AXDND1: variants seen among roughly 807,000 people sequenced by gnomAD.
AXDND1 encodes axonemal dynein light chain domain containing 1, also known as axonemal dynein light chain domain-containing protein 1.
Under a neutral mutation model 137.5 loss-of-function variants are expected in AXDND1, and 110 were observed. The observed-to-expected ratio is 0.80, with a 90% confidence interval of 0.69 to 0.94. The LOEUF (loss-of-function observed/expected upper bound fraction) is 0.94, where lower values mean the gene tolerates loss of function less well. Among genes scored for constraint, AXDND1 ranks in the 40% least tolerant of loss-of-function variants. The pLI is 0.00. For synonymous variants in AXDND1, 414 were observed against 399.7 expected (o/e 1.04, Z -0.43); for missense variants, 1,191 against 1,169.8 (o/e 1.02, Z -0.26).
intron 15 of AXDND1, 114 bp downstream of exon 15, chr1:179,432,456 C>T (rs1267467336): frequency 7.4e-7 from 1 of 1,352,952 alleles, no homozygotes; most frequent in Non-Finnish European, 9.7e-7. Context: ...CGTTGTCTCA[C>T]TCACTGTCGC....
At position 179,468,449 on chromosome 1, in the gene AXDND1, C is replaced by T. The variant is rs1261930838; in HGVS notation, c.1805C>T (p.Ser602Phe). ...GCTTTTCTTACTTTTCTAGGTTACT[C>T]CAAAATTCTTCCAAGTTTGATTAGT... is the stretch of plus-strand genomic sequence containing the variant. The part of the protein sequence containing the change: ...EIRINGDNGY[S>F]KILPSLISSL... Residue 602 changes from serine (S) to phenylalanine (F), a missense_variant, in exon 17 of 26, where the codon TCC becomes TTC. Physicochemically the swap from Ser to Phe is radical, Grantham distance 155 (BLOSUM62 -2). Transcript: ENST00000367618. The T allele has an allele frequency of 1.2e-6, 2 of 1,604,648 alleles. No homozygotes were observed. The highest frequency in any genetic ancestry group is 2.7e-5 in the African/African-American group (2 of 74,484).
chr1:179,505,440 G>A (rs1306466737), intron 20 of AXDND1, among the ~76,000 whole-genome samples: 6 of 152,110 alleles, frequency 3.9e-5, no homozygotes, highest in Non-Finnish European at 5.9e-5. Flanking sequence ...ATCACCTGAG[G>A]TCGGGAGTTT....
chr1:179,400,881 G>A (rs1359757522), intron 11 of AXDND1, among the ~76,000 whole-genome samples: 1 of 134,424 alleles, frequency 7.4e-6, no homozygotes, highest in Non-Finnish European at 1.6e-5. Context: ...CTCCAGCCTG[G>A]GCAACAGAGC....
intron 24 of AXDND1, 36 bp from the exon 25 acceptor site, chr1:179,534,694 C>A (rs1461395604): frequency 2.0e-6 from 3 of 1,535,788 alleles, no homozygotes; most frequent in South Asian, 1.3e-5. Context: ...CTTTTTCAAC[C>A]CTTTCTATTT....
chr1:179,479,252 G>A (rs1253613945), intron 17 of AXDND1, among the ~76,000 whole-genome samples: 3 of 152,092 alleles, frequency 2.0e-5, no homozygotes, highest in African/African-American at 4.8e-5. Flanking sequence ...CAAGGCGGGT[G>A]GATCACTTGA....
intron 9 of AXDND1, among the ~76,000 whole-genome samples, chr1:179,391,894 C>T (rs1429857897): frequency 6.6e-6 from 1 of 152,090 alleles, no homozygotes; most frequent in Non-Finnish European, 1.5e-5. Flanking sequence ...CATTCTTCTC[C>T]TTCCTGCTGC....
intron 25 of AXDND1, chr1:179,550,957 C>G (rs1489276718): frequency 3.3e-6 from 2 of 603,102 alleles, no homozygotes; most frequent in African/African-American, 3.7e-5. Flanking sequence ...CATAATTGCT[C>G]TGACTAGATG....
intron 25 of AXDND1, chr1:179,544,699 A>T: frequency 6.6e-6 from 1 of 152,042 alleles, no homozygotes; most frequent in East Asian, 1.9e-4. Flanking sequence ...AGAAAAAGAA[A>T]AAAAGAGAGA....
chr1:179,539,289 G>A lies in AXDND1; in HGVS notation c.3031+4327G>A, dbSNP rs544733309. Among the ~76,000 whole-genome samples the A allele has an allele frequency of 2.6e-5, 4 of 152,278 alleles. No individual in the cohort carries two copies. The East Asian group carries it at 7.7e-4, about 29-fold the overall frequency. On this transcript the variant is annotated intron_variant, in intron 25 of 25. Coordinates refer to ENST00000367618, the MANE Select transcript of AXDND1 (RefSeq NM_144696.6). ...GATGCAGTTTCTTCATAGTGTCGAT[G>A]GTCTTTCCAATTTGGCATGTTTTTG...
At chr1:179,394,512 C>G (rs570596011) in intron 10 of AXDND1, among the ~76,000 whole-genome samples, 1 of 151,692 alleles carries the variant, frequency 6.6e-6, no homozygotes, top group South Asian at 2.1e-4. Flanking sequence ...ATCACTTGAA[C>G]CCGGGAGGTG....
intron 20 of AXDND1, 59 bp from the exon 21 acceptor site, chr1:179,509,237 T>C: frequency 9.7e-7 from 1 of 1,032,564 alleles, no homozygotes; most frequent in Non-Finnish European, 1.5e-6. Flanking sequence ...AGTTCCTCAA[T>C]AGCGGTGAGT....
At chr1:179,447,720 T>G in intron 16 of AXDND1, 1 of 1,349,232 alleles carries the variant, frequency 7.4e-7, no homozygotes, top group Non-Finnish European at 1.1e-6. Flanking sequence ...TGACTTTACC[T>G]AAACTATTTG....
intron 15 of AXDND1, among the ~76,000 whole-genome samples, chr1:179,439,857 C>T (rs952795764): frequency 2.8e-5 from 4 of 140,940 alleles, no homozygotes; most frequent in East Asian, 1.9e-4. Context: ...CATGGCCACA[C>T]GCACCTTGAG....
At chr1:179,379,863 A>C (rs1647954381) in intron 6 of AXDND1, among the ~76,000 whole-genome samples, 1 of 152,084 alleles carries the variant, frequency 6.6e-6, no homozygotes, top group African/African-American at 2.4e-5. Flanking sequence ...TCCCATACAT[A>C]GAAGAACCTG....
At chr1:179,386,901 AT>A (rs939871130) in intron 9 of AXDND1, among the ~76,000 whole-genome samples, 3 of 148,690 alleles carry the variant, frequency 2.0e-5, no homozygotes, top group East Asian at 2.0e-4. Flanking sequence ...ATTTTTTTGT[AT>A]TTTTTTTTGT....
intron 14 of AXDND1, among the ~76,000 whole-genome samples, chr1:179,431,954 GA>G (rs1330662496): frequency 6.6e-6 from 1 of 152,098 alleles, no homozygotes; most frequent in Non-Finnish European, 1.5e-5. Context: ...ATAGTGCTTT[GA>G]CAGCTGCATT....
At chr1:179,521,329 C>T (rs1670042328) in intron 21 of AXDND1, among the ~76,000 whole-genome samples, 2 of 152,164 alleles carry the variant, frequency 1.3e-5, no homozygotes, top group Non-Finnish European at 2.9e-5. Flanking sequence ...TGCTCTTCCT[C>T]TTACTGTTTT....
At chr1:179,517,860 G>T (rs1474110900) in intron 21 of AXDND1, among the ~76,000 whole-genome samples, 1 of 152,170 alleles carries the variant, frequency 6.6e-6, no homozygotes, top group Non-Finnish European at 1.5e-5. Flanking sequence ...GTCCTCTCGG[G>T]ATTCCTGCTT....
At chr1:179,407,895 G>C (rs879418083) in intron 11 of AXDND1, among the ~76,000 whole-genome samples, 1 of 151,976 alleles carries the variant, frequency 6.6e-6, no homozygotes, top group Non-Finnish European at 1.5e-5. Context: ...AAAAAAATTT[G>C]GTCACTTTAT....
Sources: gnomAD v4.1 joint callset for allele counts (sites outside exome capture counted in the v4.1 genomes callset) on GRCh38, gnomAD v4.1.1 for gene constraint, MANE v1.5 for transcripts, NCBI Gene and HGNC (gene_info 2026-07-23, HGNC 2026-07-21) for gene names.